PHLDB2: variants seen among roughly 807,000 people sequenced by gnomAD.
PHLDB2 encodes the protein pleckstrin homology-like domain family B member 2.
Under a neutral mutation model 123.6 loss-of-function variants are expected in PHLDB2, and 71 were observed. The ratio of observed to expected loss-of-function variants is 0.57; its 90% CI spans 0.47 to 0.70. The LOEUF is 0.70. Among genes scored for constraint, PHLDB2 ranks in the 30% least tolerant of loss-of-function variants. The pLI is 0.00. For missense variants in PHLDB2, 1,446 were observed against 1,519.5 expected (o/e 0.95, Z 0.80); for synonymous variants, 547 against 541.6 (o/e 1.01, Z -0.14).
At chr3:111,887,431 CT>C (rs2066239533) in intron 2 of PHLDB2, among the ~76,000 whole-genome samples, 2 of 152,104 alleles carry the variant, frequency 1.3e-5, no homozygotes, top group Non-Finnish European at 2.9e-5. Context: ...ATGACGGATT[CT>C]TATCAAGCCT....
In PHLDB2 at chr3:111,752,973, T is replaced by C. The variant is rs543720028; in HGVS notation, c.-49+20270T>C. The stretch of plus-strand genomic sequence containing the variant: ...TTCATCCATGTCCCTACAAAGGACA[T>C]GAACTCATCATTTTTTTTGGCTGCA... On this transcript the variant is annotated intron_variant, in intron 1 of 17. Transcript: ENST00000393923. Among the ~76,000 whole-genome samples, 13 of 152,330 alleles carry C rather than the reference T, an allele frequency of 8.5e-5. No individual in the cohort carries two copies. In the South Asian group the frequency reaches 2.7e-3, roughly 32 times the overall value.
At chr3:111,966,527 G>GGGTGT (rs869085197) in intron 13 of PHLDB2, 86 bp from the exon 14 acceptor site, 5 of 618,488 alleles carry the variant, frequency 8.1e-6, no homozygotes, top group African/African-American at 7.9e-5. Flanking sequence ...GTGTGTCTGG[G>GGGTGT]GTGTGTGTGT....
intron 1 of PHLDB2, among the ~76,000 whole-genome samples, chr3:111,879,336 C>T (rs979558687): frequency 3.3e-5 from 5 of 152,092 alleles, no homozygotes; most frequent in African/African-American, 9.7e-5. Context: ...AGTTTATTTG[C>T]GTAGAAGTTG....
intron 1 of PHLDB2, among the ~76,000 whole-genome samples, chr3:111,812,414 T>G (rs2061882388): frequency 6.6e-6 from 1 of 152,210 alleles, no homozygotes; most frequent in Non-Finnish European, 1.5e-5. Flanking sequence ...AAACATATGA[T>G]GTCTGAATTA....
intron 1 of PHLDB2, among the ~76,000 whole-genome samples, chr3:111,750,024 G>A (rs772106943): frequency 3.9e-5 from 6 of 152,176 alleles, no homozygotes; most frequent in Non-Finnish European, 8.8e-5. Context: ...CTCAACAGAG[G>A]TAGTCATTGA....
chr3:111,950,788 C>G (rs1231899704), intron 10 of PHLDB2, among the ~76,000 whole-genome samples: 2 of 152,134 alleles, frequency 1.3e-5, no homozygotes, highest in Non-Finnish European at 2.9e-5. Context: ...GACTATATCT[C>G]TCACTGCCTT....
chr3:111,753,666 T>C (rs1195246224), intron 1 of PHLDB2, among the ~76,000 whole-genome samples: 2 of 152,234 alleles, frequency 1.3e-5, no homozygotes, highest in Non-Finnish European at 2.9e-5. Context: ...AGATCCCATT[T>C]GTGAATTTTG....
chr3:111,929,764 C>A (rs535599597), intron 5 of PHLDB2, among the ~76,000 whole-genome samples: 2 of 152,088 alleles, frequency 1.3e-5, no homozygotes, highest in Non-Finnish European at 2.9e-5. Context: ...CTCTGGGACC[C>A]AGGTAGTGGT....
intron 12 of PHLDB2, among the ~76,000 whole-genome samples, chr3:111,957,701 C>T (rs937295953): frequency 1.3e-5 from 2 of 152,260 alleles, no homozygotes; most frequent in East Asian, 3.9e-4. Flanking sequence ...TTCATTGGAG[C>T]CTGTTTTCTA....
chr3:111,963,811 T>C (rs1026756041), intron 13 of PHLDB2, among the ~76,000 whole-genome samples: 5 of 152,238 alleles, frequency 3.3e-5, no homozygotes, highest in African/African-American at 9.6e-5. Flanking sequence ...ATTTTTTAGT[T>C]TTTTACTCTT....
intron 1 of PHLDB2, among the ~76,000 whole-genome samples, chr3:111,770,907 A>C (rs1208827813): frequency 6.6e-6 from 1 of 152,136 alleles, no homozygotes; most frequent in Non-Finnish European, 1.5e-5. Flanking sequence ...CTAAACAGTG[A>C]TTGGTACGAA....
intron 1 of PHLDB2, among the ~76,000 whole-genome samples, chr3:111,824,900 C>G (rs1016606637): frequency 5.3e-5 from 8 of 152,270 alleles, no homozygotes; most frequent in Middle Eastern, 3.4e-3. Context: ...TTCACTCTGC[C>G]TGAGTGTTCT....
chr3:111,825,795 T>C (rs1055545202), intron 1 of PHLDB2, among the ~76,000 whole-genome samples: 7 of 152,286 alleles, frequency 4.6e-5, no homozygotes, highest in Admixed American at 1.3e-4. Context: ...TGCATCTTTA[T>C]GAAGGTTTTT....
At chr3:111,906,127 G>A (rs2107472129) in intron 2 of PHLDB2, among the ~76,000 whole-genome samples, 1 of 152,312 alleles carries the variant, frequency 6.6e-6, no homozygotes. Flanking sequence ...TGCTTTGCAA[G>A]TTTGTAGCCT....
intron 1 of PHLDB2, among the ~76,000 whole-genome samples, chr3:111,782,857 A>T (rs2060533091): frequency 6.6e-6 from 1 of 152,078 alleles, no homozygotes; most frequent in African/African-American, 2.4e-5. Flanking sequence ...GAGAGAAAAA[A>T]GTTTTGAAAT....
intron 1 of PHLDB2, among the ~76,000 whole-genome samples, chr3:111,734,101 G>A (rs1389567155): frequency 6.6e-6 from 1 of 152,270 alleles, no homozygotes; most frequent in East Asian, 1.9e-4. Flanking sequence ...GTGTGACTTT[G>A]GGTAAGTCTG....
chr3:111,826,293 A>G (rs944650234), intron 1 of PHLDB2, among the ~76,000 whole-genome samples: 1 of 152,218 alleles, frequency 6.6e-6, no homozygotes, highest in Non-Finnish European at 1.5e-5. Context: ...TGGGCAACAG[A>G]GCAAGGCTTT....
At chr3:111,907,091 AAAC>A (rs1166231809) in intron 2 of PHLDB2, among the ~76,000 whole-genome samples, 1 of 152,236 alleles carries the variant, frequency 6.6e-6, no homozygotes, top group Non-Finnish European at 1.5e-5. Flanking sequence ...AAACTGATAA[AAAC>A]AATACTAAGG....
intron 1 of PHLDB2, among the ~76,000 whole-genome samples, chr3:111,790,787 T>A (rs1484493276): frequency 8.5e-5 from 13 of 152,236 alleles, no homozygotes; most frequent in South Asian, 6.2e-4. Context: ...AAAACTTTTT[T>A]AAAAATACAT....
Sources: gnomAD v4.1 joint callset for allele counts (sites outside exome capture counted in the v4.1 genomes callset) on GRCh38, gnomAD v4.1.1 for gene constraint, MANE v1.5 for transcripts, NCBI Gene and HGNC (gene_info 2026-07-23, HGNC 2026-07-21) for gene names.